Variants in LSP1 observed in about 807,000 individuals in gnomAD.
LSP1 encodes the protein lymphocyte-specific protein 1.
A neutral mutation model predicts 49.3 loss-of-function variants in LSP1; 32 were observed. The observed-to-expected ratio is 0.65, with a 90% CI of 0.49 to 0.87. The LOEUF is 0.87. Ranked by LOEUF, LSP1 falls within the 40% of genes least tolerant of loss-of-function variation. The pLI is 0.00. For missense variants in LSP1, 428 were observed against 442.6 expected (o/e 0.97, Z 0.30); for synonymous variants, 179 against 178.8 (o/e 1.00, Z -0.01).
chr11:1,885,161 T>A (rs766769866), intron 7 of LSP1, among the ~76,000 whole-genome samples: 2 of 151,050 alleles, frequency 1.3e-5, no homozygotes, highest in African/African-American at 2.4e-5. Flanking sequence ...GTCCCTCCCA[T>A]CCAATCAATT....
Position 1,878,915 on chromosome 11 carries a change from C to T in LSP1, c.54-1172C>T, listed in dbSNP as rs1273955729. Among the ~76,000 whole-genome samples, 6 of 152,088 alleles carry T rather than the reference C, an allele frequency of 3.9e-5. No individual in the cohort carries two copies. The East Asian group carries it at 9.7e-4, about 24-fold the overall frequency. On this transcript the variant is annotated intron_variant, in intron 1 of 10. Transcript: ENST00000311604. ...CTGGACCATCTGAGAGCTGCTGGGCCGGGGCTCTGATGCCCAGGTCCAGGC... is the reference window on the plus strand; with the variant it reads ...CTGGACCATCTGAGAGCTGCTGGGCTGGGGCTCTGATGCCCAGGTCCAGGC...
Position 1,884,567 on chromosome 11 carries a change from A to C in LSP1, c.703A>C (p.Thr235Pro), listed in dbSNP as rs775207068. ...GATTGATCAGTGGCTGGAACAATACACCCAGGCCATCGAGGTATGACCTGG... is the reference window on the plus strand; with the variant it reads ...GATTGATCAGTGGCTGGAACAATACCCCCAGGCCATCGAGGTATGACCTGG... ...SKIDQWLEQY[T>P]QAIETAGRTP... is the part of the protein sequence containing the mutation. The change falls in exon 7 of 11, where the codon ACC becomes CCC. Residue 235 changes from threonine to proline, a missense_variant. Thr to Pro is a conservative substitution (Grantham distance 38). Transcript: ENST00000311604. This position sits in a 1 kb window ranked among gnomAD's most constrained non-coding sequence, Gnocchi z 4.1. 3 of 1,613,632 alleles carry C rather than the reference A, an allele frequency of 1.9e-6. No individual in the cohort carries two copies. Among genetic ancestry groups the C allele is most frequent in the Non-Finnish European group, 1.7e-6 (2 of 1,179,844 alleles).
At chr11:1,870,151 G>A (rs1847938426) in intron 1 of LSP1, 2 of 621,292 alleles carry the variant, frequency 3.2e-6, no homozygotes, top group African/African-American at 3.8e-5. Flanking sequence ...TGGACCTCTG[G>A]TGCAGAGGAC....
chr11:1,870,901 G>A lies in LSP1; in HGVS notation c.54-9186G>A. 4 of 986,008 alleles carry A rather than the reference G, an allele frequency of 4.1e-6. No homozygotes were observed. The South Asian group carries it at 1.9e-4, about 46-fold the overall frequency. 61.1% of individuals were successfully genotyped at this position (986,008 alleles called of 1,614,324 possible). ...GAGCTCTGCCAGGGCAGTCCCAGCT[G>A]GCCCAGGCGCCGCAGCGCTCCCGAG... On this transcript the variant is annotated intron_variant, in intron 1 of 10. Transcript: ENST00000311604.
intron 1 of LSP1, among the ~76,000 whole-genome samples, chr11:1,865,466 T>C (rs1461680658): frequency 6.6e-6 from 1 of 152,074 alleles, no homozygotes; most frequent in East Asian, 2.0e-4. Context: ...TCCTGGCTCC[T>C]GGCAGCTGCC....
chr11:1,879,142 C>T (rs1848433981), intron 1 of LSP1, among the ~76,000 whole-genome samples: 1 of 152,110 alleles, frequency 6.6e-6, no homozygotes, highest in African/African-American at 2.4e-5. Context: ...GTCGGGAGTT[C>T]AGGACCAGCC....
At chr11:1,883,200 G>A (rs1353172626) in intron 3 of LSP1, among the ~76,000 whole-genome samples, 1 of 152,250 alleles carries the variant, frequency 6.6e-6, no homozygotes, top group Non-Finnish European at 1.5e-5. Flanking sequence ...CAGTTCCCCA[G>A]GGGCCTCAGG....
chr11:1,853,631 G>A (rs1483110376), intron 1 of LSP1, among the ~76,000 whole-genome samples: 2 of 152,220 alleles, frequency 1.3e-5, no homozygotes, highest in African/African-American at 2.4e-5. Flanking sequence ...CCTGCCCACA[G>A]GACTATCTGA....
chr11:1,884,485 T>C lies in LSP1; in HGVS notation c.636-15T>C, dbSNP rs1181927106. ...TGTGGGAGACATGGGGCCTGACACA[T>C]CTTCTACCCTCCAGTAACAGTGTGA... On this transcript the variant is annotated splice_polypyrimidine_tract_variant and intron_variant, in intron 6 of 10. Coordinates refer to ENST00000311604, the MANE Select transcript of LSP1 (RefSeq NM_002339.3). The surrounding 1 kb of genome is among the most constrained non-coding windows in gnomAD (Gnocchi z 4.1). The C allele has an allele frequency of 4.3e-6, 7 of 1,611,814 alleles. No individual in the cohort carries two copies. The East Asian group carries it at 1.6e-4, about 36-fold the overall frequency.
At chr11:1,878,544 G>A (rs1848407594) in intron 1 of LSP1, among the ~76,000 whole-genome samples, 2 of 152,092 alleles carry the variant, frequency 1.3e-5, no homozygotes, top group Admixed American at 6.5e-5. Flanking sequence ...GCTTCGGTGG[G>A]GGGAGTGGGC....
At chr11:1,882,531 T>C (rs920234429) in intron 3 of LSP1, among the ~76,000 whole-genome samples, 1 of 151,936 alleles carries the variant, frequency 6.6e-6, no homozygotes, top group African/African-American at 2.4e-5. Context: ...CCCTACGTGC[T>C]TGGGAGTCAG....
At chr11:1,878,399 T>C (rs2133106125) in intron 1 of LSP1, among the ~76,000 whole-genome samples, 1 of 151,790 alleles carries the variant, frequency 6.6e-6, no homozygotes, top group South Asian at 2.1e-4. Flanking sequence ...GGGAGCCAGG[T>C]GTGGGGAATT....
At position 1,884,190 on chromosome 11, in the gene LSP1, G is replaced by A; in HGVS notation, c.592-90G>A. ...GAACCCCCATGATATAAGGGTTGGG[G>A]GTTGGATTAGTGGTTGGAGTAGCTG... is the stretch of plus-strand genomic sequence containing the variant. On this transcript the variant is annotated intron_variant, in intron 5 of 10. Coordinates refer to ENST00000311604, the MANE Select transcript of LSP1 (RefSeq NM_002339.3). The surrounding 1 kb of genome is among the most constrained non-coding windows in gnomAD (Gnocchi z 4.1). 1 of 1,518,972 alleles carries A rather than the reference G, an allele frequency of 6.6e-7. No individual in the cohort carries two copies. Among genetic ancestry groups the A allele is most frequent in the Non-Finnish European group, 9.1e-7 (1 of 1,093,484 alleles). The allele number at this position is 1,518,972 out of a possible 1,614,324, so 94.1% of individuals were successfully genotyped here.
At chr11:1,879,928 TG>T in intron 1 of LSP1, 158 bp from the exon 2 acceptor site, 1 of 768,616 alleles carries the variant, frequency 1.3e-6, no homozygotes, top group Non-Finnish European at 2.0e-6. Flanking sequence ...TATTTAAAGA[TG>T]GACAAGGTGA....
In LSP1 at chr11:1,889,628, G is replaced by T; in HGVS notation, c.*13+2052G>T. 3.3e-6 allele frequency: 2 copies of T among 615,310 alleles called. 1 individual carries two copies. Among genetic ancestry groups the T allele is most frequent in the South Asian group, 3.9e-5 (2 of 51,832 alleles). 38.1% of individuals were successfully genotyped at this position (615,310 alleles called of 1,614,324 possible). ...GGCATGGGTGAGGGCCTGATGGTGG[G>T]GTAGGGGATGAGGCCCAGGCAGGGC... On this transcript the variant is annotated intron_variant, in intron 10 of 10. Coordinates refer to ENST00000311604, the MANE Select transcript of LSP1 (RefSeq NM_002339.3).
intron 1 of LSP1, chr11:1,867,046 A>T (rs1446668008): frequency 1.1e-6 from 1 of 931,078 alleles, no homozygotes; most frequent in African/African-American, 1.7e-5. Context: ...CCTGGGGAGG[A>T]GGCACTGAAG....
chr11:1,868,538 G>A, intron 1 of LSP1: 9 of 556,734 alleles, frequency 1.6e-5, no homozygotes, highest in Non-Finnish European at 2.1e-5. Flanking sequence ...GCAGGAATGG[G>A]CTGGCAGCCT....
intron 1 of LSP1, among the ~76,000 whole-genome samples, chr11:1,874,865 C>T (rs1848241838): frequency 1.3e-5 from 2 of 152,130 alleles, no homozygotes; most frequent in African/African-American, 4.8e-5. Flanking sequence ...GGCAGGGCCC[C>T]CCTTGGTTAC....
At chr11:1,876,031 C>CTGTGGG (rs1412819164) in intron 1 of LSP1, among the ~76,000 whole-genome samples, 2 of 152,254 alleles carry the variant, frequency 1.3e-5, no homozygotes, top group Non-Finnish European at 2.9e-5. Flanking sequence ...AGTGCCCCAG[C>CTGTGGG]TGTGGGTGTG....
Sources: allele counts gnomAD v4.1 joint callset (sites outside exome capture counted in the v4.1 genomes callset), GRCh38; gene constraint gnomAD v4.1.1; non-coding constraint Gnocchi (gnomAD v3.1); transcripts MANE v1.5; gene names NCBI Gene and HGNC (gene_info 2026-07-23, HGNC 2026-07-21).